Variants in SSBP2 observed in about 807,000 individuals in gnomAD.
SSBP2 encodes single-stranded DNA-binding protein 2.
Under a neutral mutation model 61.8 loss-of-function variants are expected in SSBP2, and 17 were observed. The ratio of observed to expected loss-of-function variants is 0.28; its 90% CI spans 0.19 to 0.41. The LOEUF is 0.41. SSBP2 is among the 10% of genes least tolerant of loss of function. The pLI, the probability that SSBP2 is intolerant of heterozygous loss-of-function variation, is 1.00. For synonymous variants in SSBP2, 139 were observed against 141.3 expected (o/e 0.98, Z 0.12); for missense variants, 310 against 458.7 (o/e 0.68, Z 2.96).
In SSBP2 at chr5:81,569,723, C is replaced by A. The variant is rs549839480; in HGVS notation, c.282+45750G>T. On this transcript the variant is annotated intron_variant, in intron 4 of 16. Coordinates refer to ENST00000320672, the MANE Select transcript of SSBP2 (RefSeq NM_012446.5). ...GTAATAATTTAAAAGGCATATCAGA[C>A]TGCTTTTTGCTGGCAGGTTTTAAAA... Among the ~76,000 whole-genome samples the A allele has an allele frequency of 1.6e-3, 243 of 152,258 alleles. 2 individuals are homozygous for A. The highest frequency in any genetic ancestry group is 5.6e-3 in the African/African-American group (232 of 41,530).
At chr5:81,620,321 G>A (rs1183546221) in intron 3 of SSBP2, among the ~76,000 whole-genome samples, 1 of 108,220 alleles carries the variant, frequency 9.2e-6, no homozygotes, top group East Asian at 2.9e-4. Context: ...CAGACAAACA[G>A]AGAGCCAAAT....
At chr5:81,711,072 G>A (rs1046577451) in intron 1 of SSBP2, among the ~76,000 whole-genome samples, 2 of 151,988 alleles carry the variant, frequency 1.3e-5, no homozygotes, top group Admixed American at 1.3e-4. Flanking sequence ...TAACAAATCT[G>A]ATTCTTCCCT....
At chr5:81,681,381 G>A (rs1169361952) in intron 1 of SSBP2, among the ~76,000 whole-genome samples, 1 of 151,918 alleles carries the variant, frequency 6.6e-6, no homozygotes, top group African/African-American at 2.4e-5. Context: ...TTAGCCGGGT[G>A]TGGTGATGAG....
intron 1 of SSBP2, among the ~76,000 whole-genome samples, chr5:81,703,669 T>C (rs1754158738): frequency 6.6e-6 from 1 of 152,248 alleles, no homozygotes; most frequent in Non-Finnish European, 1.5e-5. Flanking sequence ...TTGTATTTAT[T>C]TTCCTAATAG....
At position 81,513,612 on chromosome 5, in the gene SSBP2, G is replaced by C; in HGVS notation, c.372+16C>G. 2.0e-6 allele frequency: 3 copies of C among 1,505,776 alleles called. No homozygotes were observed. The African/African-American group carries it at 4.1e-5, about 21-fold the overall frequency. The allele number at this position is 1,505,776 out of a possible 1,614,324, so 93.3% of individuals were successfully genotyped here. ...TCCTATGCTTTAACATTCCTAGTCA[G>C]AGTTTCTCTGAGTACCTGAAAGAAC... On this transcript the variant is annotated intron_variant, in intron 5 of 16. Coordinates refer to ENST00000320672, the MANE Select transcript of SSBP2 (RefSeq NM_012446.5).
Position 81,417,902 on chromosome 5 carries a change from A to T in SSBP2, c.*2602T>A, listed in dbSNP as rs990742657. On this transcript the variant is annotated 3_prime_UTR_variant, in exon 17 of 17. Coordinates refer to ENST00000320672, the MANE Select transcript of SSBP2 (RefSeq NM_012446.5). ...TGACTGCTCTGCCTTGAAAAAAAAAACGAATTTTACTTTTAGGTTAGAAAT... is the reference window on the plus strand; with the variant it reads ...TGACTGCTCTGCCTTGAAAAAAAAATCGAATTTTACTTTTAGGTTAGAAAT... The T allele has an allele frequency of 1.3e-5, 2 of 152,158 alleles. No homozygotes were observed. The highest frequency in any genetic ancestry group is 2.9e-5 in the Non-Finnish European group (2 of 68,026). 9.4% of individuals were successfully genotyped at this position (152,158 alleles called of 1,614,324 possible).
At chr5:81,622,268 A>G (rs1389868190) in intron 3 of SSBP2, among the ~76,000 whole-genome samples, 2 of 152,194 alleles carry the variant, frequency 1.3e-5, no homozygotes, top group Non-Finnish European at 2.9e-5. Context: ...TAAATTAACA[A>G]TGAGCACATA....
At chr5:81,453,221 AC>A (rs1357965010) in intron 10 of SSBP2, among the ~76,000 whole-genome samples, 2 of 152,008 alleles carry the variant, frequency 1.3e-5, no homozygotes, top group Non-Finnish European at 2.9e-5. Flanking sequence ...TTGCTTGAGC[AC>A]AGGAGGTGGA....
At chr5:81,665,652 T>C (rs1751047590) in intron 1 of SSBP2, among the ~76,000 whole-genome samples, 1 of 152,090 alleles carries the variant, frequency 6.6e-6, no homozygotes, top group Admixed American at 6.6e-5. Context: ...AGGCACCATG[T>C]CTGGCTAATT....
chr5:81,702,200 G>A (rs1754035375), intron 1 of SSBP2, among the ~76,000 whole-genome samples: 1 of 152,042 alleles, frequency 6.6e-6, no homozygotes, highest in African/African-American at 2.4e-5. Flanking sequence ...ATGAAACCAC[G>A]TCTCTACTAA....
chr5:81,653,123 G>GTGTGTGA (rs1298380445), intron 1 of SSBP2, among the ~76,000 whole-genome samples: 3 of 151,922 alleles, frequency 2.0e-5, no homozygotes, highest in Non-Finnish European at 4.4e-5. Flanking sequence ...ACAGGCCCCA[G>GTGTGTGA]TGTGTGATGT....
At chr5:81,602,644 G>C (rs1305737449) in intron 4 of SSBP2, among the ~76,000 whole-genome samples, 1 of 152,014 alleles carries the variant, frequency 6.6e-6, no homozygotes, top group Admixed American at 6.6e-5. Context: ...TTTGCTCTGA[G>C]GCCCTTTTTT....
chr5:81,571,755 T>C (rs1334360838), intron 4 of SSBP2, among the ~76,000 whole-genome samples: 1 of 152,152 alleles, frequency 6.6e-6, no homozygotes, highest in Non-Finnish European at 1.5e-5. Context: ...CAATATTATC[T>C]GGCAGAAAGT....
intron 10 of SSBP2, among the ~76,000 whole-genome samples, chr5:81,449,796 C>T (rs1763648037): frequency 6.6e-6 from 1 of 152,054 alleles, no homozygotes; most frequent in African/African-American, 2.4e-5. Flanking sequence ...GGTGTTCTTG[C>T]TTTGCCTTAC....
intron 1 of SSBP2, among the ~76,000 whole-genome samples, chr5:81,658,570 TTGA>T (rs1392307119): frequency 1.3e-5 from 2 of 152,272 alleles, no homozygotes; most frequent in South Asian, 2.1e-4. Context: ...TTTTTTATTG[TTGA>T]TTTTATTTTT....
intron 12 of SSBP2, among the ~76,000 whole-genome samples, chr5:81,445,138 T>A (rs187882992): frequency 0.13 from 4,226 of 33,594 alleles, 885 homozygotes; most frequent in Middle Eastern, 0.26. Flanking sequence ...AAAAAAAATT[T>A]TATATATATA....
intron 1 of SSBP2, among the ~76,000 whole-genome samples, chr5:81,718,600 C>T (rs1193195085): frequency 6.6e-6 from 1 of 152,160 alleles, no homozygotes; most frequent in East Asian, 1.9e-4. Flanking sequence ...GGGCTGAGGG[C>T]TTCACCAGCT....
intron 4 of SSBP2, among the ~76,000 whole-genome samples, chr5:81,608,673 T>C (rs1055484676): frequency 6.6e-6 from 1 of 152,198 alleles, no homozygotes; most frequent in African/African-American, 2.4e-5. Context: ...TTAAAAGTTT[T>C]TGAACTGTAA....
At chr5:81,467,730 ATTATC>A (rs1764988061) in intron 8 of SSBP2, among the ~76,000 whole-genome samples, 1 of 151,974 alleles carries the variant, frequency 6.6e-6, no homozygotes, top group Non-Finnish European at 1.5e-5. Flanking sequence ...TTTTATCACT[ATTATC>A]TTAATGTATT....
Sources: allele counts gnomAD v4.1 joint callset (sites outside exome capture counted in the v4.1 genomes callset), GRCh38; gene constraint gnomAD v4.1.1; transcripts MANE v1.5; gene names NCBI Gene and HGNC (gene_info 2026-07-23, HGNC 2026-07-21).